Variants in DMD observed in about 807,000 individuals in gnomAD.
DMD encodes the protein dystrophin, also known as mutant dystrophin.
A neutral mutation model predicts 330.1 loss-of-function variants in DMD; 63 were observed. That is an observed-to-expected ratio of 0.19 (90% confidence interval 0.16 to 0.24). The LOEUF is 0.24. Ranked by LOEUF, DMD falls within the 10% of genes least tolerant of loss-of-function variation. DMD has a pLI of 1.00. For synonymous variants in DMD, 1,223 were observed against 959.8 expected, an observed-to-expected ratio of 1.27 and a Z score of -5.07; for missense variants, 3,344 against 2,684.1, an observed-to-expected ratio of 1.25 and a Z score of -5.43.
chrX:33,285,179 C>A (rs2053413005), intron 1 of DMD, among the ~76,000 whole-genome samples: 2 of 111,444 alleles, frequency 1.8e-5, no homozygotes, highest in African/African-American at 6.5e-5. Flanking sequence ...TTTTTCTCAA[C>A]TTACAAAGTA....
intron 1 of DMD, among the ~76,000 whole-genome samples, chrX:33,198,922 A>G (rs914913860): frequency 9.1e-6 from 1 of 109,682 alleles, no homozygotes; most frequent in African/African-American, 3.3e-5. Context: ...GTTCTAGACA[A>G]ATAGAAAAGC....
chrX:31,974,545 C>G (rs2095422513), intron 44 of DMD, among the ~76,000 whole-genome samples: 1 of 108,694 alleles, frequency 9.2e-6, no homozygotes, highest in South Asian at 3.9e-4. Flanking sequence ...TTTATTGTAC[C>G]TTACTAATAC....
chrX:33,189,458 A>G (rs1166810051), intron 1 of DMD, among the ~76,000 whole-genome samples: 1 of 111,730 alleles, frequency 9.0e-6, no homozygotes, highest in Non-Finnish European at 1.9e-5. Context: ...AGAACACTTT[A>G]AAACCATACC....
intron 4 of DMD, among the ~76,000 whole-genome samples, chrX:32,838,343 C>T (rs1178526718): frequency 2.7e-5 from 3 of 110,857 alleles, no homozygotes; most frequent in South Asian, 7.7e-4. Context: ...GTTTGCTGTA[C>T]CCATAGACCC....
chrX:31,124,089 A>C (rs763356150), intron 78 of DMD, among the ~76,000 whole-genome samples: 1 of 112,098 alleles, frequency 8.9e-6, no homozygotes, highest in East Asian at 2.8e-4. Flanking sequence ...CAGGGAAAAC[A>C]GGTTCATTAT....
At chrX:32,615,285 A>T (rs1489820737) in intron 11 of DMD, among the ~76,000 whole-genome samples, 1 of 111,584 alleles carries the variant, frequency 9.0e-6, no homozygotes, top group Admixed American at 9.5e-5. Flanking sequence ...TATAGAAAAT[A>T]GTGGGCTGGG....
intron 1 of DMD, among the ~76,000 whole-genome samples, chrX:33,199,708 C>T (rs1268218409): frequency 9.0e-6 from 1 of 111,148 alleles, no homozygotes; most frequent in Non-Finnish European, 1.9e-5. Flanking sequence ...GACTAGATCC[C>T]AAGGAAACCT....
At chrX:33,005,800 G>A (rs1384709222) in intron 2 of DMD, among the ~76,000 whole-genome samples, 1 of 110,832 alleles carries the variant, frequency 9.0e-6, no homozygotes, top group Non-Finnish European at 1.9e-5. Context: ...CTATTGGAAT[G>A]TAGAAATGAA....
chrX:32,746,038 C>T (rs2148230919), intron 7 of DMD, among the ~76,000 whole-genome samples: 1 of 112,150 alleles, frequency 8.9e-6, no homozygotes, highest in African/African-American at 3.2e-5. Context: ...ACCAAATCTG[C>T]AAATCATATT....
At position 31,486,834 on chromosome X, in the gene DMD, C is replaced by T. The variant is rs914182526; in HGVS notation, c.8548-7731G>A. Among the ~76,000 whole-genome samples, 3 of 111,994 alleles carry T rather than the reference C, an allele frequency of 2.7e-5. No individual in the cohort carries two copies. In the Admixed American group the frequency reaches 2.9e-4, roughly 11 times the overall value. On this transcript the variant is annotated intron_variant, in intron 57 of 78. Transcript: ENST00000357033. ...TCTCCTGTATTGTTTCTATGTCTGA[C>T]AAGAAAGTTGCTGAATATATTCTGT...
intron 7 of DMD, among the ~76,000 whole-genome samples, chrX:32,804,373 C>T (rs951209657): frequency 1.8e-5 from 2 of 112,398 alleles, no homozygotes; most frequent in Admixed American, 9.4e-5. Flanking sequence ...TCAAACTGGG[C>T]AGAGCCCACT....
At chrX:33,296,881 C>G (rs2053591947) in intron 1 of DMD, among the ~76,000 whole-genome samples, 1 of 111,461 alleles carries the variant, frequency 9.0e-6, no homozygotes, top group Non-Finnish European at 1.9e-5. Flanking sequence ...AGCTTACATT[C>G]ACTTTGGCTT....
At chrX:32,512,545 C>G (rs985828928) in intron 18 of DMD, among the ~76,000 whole-genome samples, 2 of 112,176 alleles carry the variant, frequency 1.8e-5, no homozygotes, top group Non-Finnish European at 3.8e-5. Context: ...CACATAAAAC[C>G]AAAGCCACTT....
intron 44 of DMD, among the ~76,000 whole-genome samples, chrX:32,165,065 C>T (rs2096863240): frequency 8.9e-6 from 1 of 112,423 alleles, no homozygotes; most frequent in Admixed American, 9.4e-5. Context: ...ATGAAGACCT[C>T]ATGGAGAACC....
intron 60 of DMD, among the ~76,000 whole-genome samples, chrX:31,375,487 G>T (rs2148683769): frequency 9.0e-6 from 1 of 111,495 alleles, no homozygotes; most frequent in Admixed American, 9.6e-5. Context: ...GTACACAGTT[G>T]TTATTGAGAG....
chrX:32,156,203 A>T (rs1256730619), intron 44 of DMD, among the ~76,000 whole-genome samples: 2 of 111,220 alleles, frequency 1.8e-5, no homozygotes, highest in African/African-American at 6.6e-5. Context: ...AACATGGTGA[A>T]AACCCGTCTC....
chrX:32,724,544 C>A (rs1229260466), intron 7 of DMD, among the ~76,000 whole-genome samples: 1 of 111,603 alleles, frequency 9.0e-6, no homozygotes, highest in African/African-American at 3.3e-5. Flanking sequence ...TAATTTTACT[C>A]TGAAACAATA....
At chrX:32,834,877 C>T (rs1011068243) in intron 4 of DMD, among the ~76,000 whole-genome samples, 2 of 110,951 alleles carry the variant, frequency 1.8e-5, no homozygotes, top group African/African-American at 6.5e-5. Context: ...TAAAAGGGAT[C>T]GGAATTCATA....
intron 2 of DMD, among the ~76,000 whole-genome samples, chrX:32,975,846 C>CT (rs1240693209): frequency 9.0e-6 from 1 of 111,534 alleles, no homozygotes; most frequent in Non-Finnish European, 1.9e-5. Flanking sequence ...CAGTTTCTTG[C>CT]TTTAGACTCC....
Sources: gnomAD v4.1 joint callset for allele counts (sites outside exome capture counted in the v4.1 genomes callset) on GRCh38, gnomAD v4.1.1 for gene constraint, MANE v1.5 for transcripts, NCBI Gene and HGNC (gene_info 2026-07-23, HGNC 2026-07-21) for gene names.